Variants in MAP3K20 observed in about 807,000 individuals in gnomAD.
MAP3K20 encodes the protein HCCS-4.
A neutral mutation model predicts 85.7 loss-of-function variants in MAP3K20; 40 were observed. The observed-to-expected ratio is 0.47, with a 90% CI of 0.36 to 0.61. MAP3K20 has a LOEUF of 0.61. Ranked by LOEUF, MAP3K20 falls within the 20% of genes least tolerant of loss-of-function variation. MAP3K20 has a pLI of 0.00. For missense variants in MAP3K20, 817 were observed against 961.7 expected (o/e 0.85, Z 1.99); for synonymous variants, 325 against 327.7 (o/e 0.99, Z 0.09).
upstream of MAP3K20, chr2:173,075,710 G>A (rs1235947642): frequency 3.4e-5 from 6 of 174,856 alleles, no homozygotes; most frequent in Non-Finnish European, 4.5e-5. Context: ...GGCGCGGGGC[G>A]GATGGTGCCC....
chr2:173,105,575 C>A (rs1574017119), intron 2 of MAP3K20, among the ~76,000 whole-genome samples: 1 of 152,246 alleles, frequency 6.6e-6, no homozygotes, highest in South Asian at 2.1e-4. Flanking sequence ...TATTATTCAA[C>A]CTTAAGAAGG....
intron 7 of MAP3K20, among the ~76,000 whole-genome samples, chr2:173,197,464 A>G (rs1690886199): frequency 6.6e-6 from 1 of 152,338 alleles, no homozygotes; most frequent in South Asian, 2.1e-4. Flanking sequence ...AGACCGACTC[A>G]TTTTGCGGGA....
Position 173,190,936 on chromosome 2 carries a change from C to A in MAP3K20, c.444+13C>A, listed in dbSNP as rs1690629945. ...TGGAGTATTGAAGGTAGGACTATTT[C>A]TTTTACTTAAAAAAATTGTTAATTT... On this transcript the variant is annotated intron_variant, in intron 6 of 19. Transcript: ENST00000375213. 2 of 1,604,218 alleles carry A rather than the reference C, an allele frequency of 1.2e-6. No homozygotes were observed. The highest frequency in any genetic ancestry group is 1.7e-6 in the Non-Finnish European group (2 of 1,174,840).
At chr2:173,212,271 T>TGA (rs1683925730) in intron 10 of MAP3K20, 3 of 151,350 alleles carry the variant, frequency 2.0e-5, no homozygotes, top group African/African-American at 7.3e-5. Context: ...CCAGGGCATG[T>TGA]GGAGCTCTCC....
chr2:173,208,319 G>A (rs1269156114), intron 9 of MAP3K20, among the ~76,000 whole-genome samples: 1 of 151,460 alleles, frequency 6.6e-6, no homozygotes, highest in Non-Finnish European at 1.5e-5. Context: ...AAATTGGTGA[G>A]CCCAGGTGGT....
chr2:173,223,188 G>C, intron 11 of MAP3K20: 7 of 985,428 alleles, frequency 7.1e-6, no homozygotes, highest in Non-Finnish European at 7.2e-6. Context: ...AGAAAGTTCT[G>C]GGTGTGAGGT....
chr2:173,093,763 G>A (rs890952400), intron 2 of MAP3K20, among the ~76,000 whole-genome samples: 1 of 151,956 alleles, frequency 6.6e-6, no homozygotes, highest in African/African-American at 2.4e-5. Context: ...ATGATAGACT[G>A]GATTAAGAAA....
intron 2 of MAP3K20, among the ~76,000 whole-genome samples, chr2:173,104,957 A>G (rs987519807): frequency 6.6e-6 from 1 of 152,146 alleles, no homozygotes. Context: ...CAAGGGGGCC[A>G]TCGTAGCTGG....
rs1241258732 is a variant in MAP3K20 at position 173,094,040 on chromosome 2, G to C, written c.159+2850G>C. On this transcript the variant is annotated intron_variant, in intron 2 of 19. Transcript: ENST00000375213. ...GCACTGGGAGATATACCTAATGCTA[G>C]ATGACGAGTTAGTGGGTGCAGCACA... 8.6e-5 allele frequency among the ~76,000 whole-genome samples: 13 copies of C among 151,682 alleles called. No homozygotes were observed. In the East Asian group the frequency reaches 2.5e-3, roughly 30 times the overall value.
chr2:173,093,286 A>G (rs1436922432), intron 2 of MAP3K20, among the ~76,000 whole-genome samples: 1 of 152,222 alleles, frequency 6.6e-6, no homozygotes, highest in Non-Finnish European at 1.5e-5. Flanking sequence ...ATCCAGTTCC[A>G]TGTCACTTGG....
intron 2 of MAP3K20, among the ~76,000 whole-genome samples, chr2:173,153,610 T>G (rs1689370087): frequency 6.6e-6 from 1 of 152,226 alleles, no homozygotes; most frequent in East Asian, 1.9e-4. Context: ...AAGTAGTGAT[T>G]CTTTTACCTC....
intron 2 of MAP3K20, among the ~76,000 whole-genome samples, chr2:173,096,344 C>CTT (rs11389136): frequency 0.028 from 4,110 of 144,566 alleles, 82 homozygotes; most frequent in South Asian, 0.048. Context: ...TTCTTTTTTC[C>CTT]TTTTTTTTTT....
At chr2:173,251,604 C>G (rs1685043927) in intron 16 of MAP3K20, among the ~76,000 whole-genome samples, 1 of 152,182 alleles carries the variant, frequency 6.6e-6, no homozygotes, top group Admixed American at 6.5e-5. Context: ...CAAATTTCAT[C>G]TATGGTGATA....
intron 1 of MAP3K20, among the ~76,000 whole-genome samples, chr2:173,083,744 CA>C (rs1268749300): frequency 6.6e-6 from 1 of 152,100 alleles, no homozygotes; most frequent in Non-Finnish European, 1.5e-5. Flanking sequence ...TTAATTTATT[CA>C]CTGATCTATG....
intron 14 of MAP3K20, among the ~76,000 whole-genome samples, 155 bp downstream of exon 14, chr2:173,232,614 C>T (rs1684548849): frequency 6.6e-6 from 1 of 152,224 alleles, no homozygotes; most frequent in African/African-American, 2.4e-5. Context: ...AGTGATTCTC[C>T]TGCCTCAGCC....
At chr2:173,243,652 C>G (rs1387442093) in intron 16 of MAP3K20, among the ~76,000 whole-genome samples, 1 of 152,194 alleles carries the variant, frequency 6.6e-6, no homozygotes, top group Admixed American at 6.5e-5. Flanking sequence ...GAATCTCGCT[C>G]TTTCGCCCAG....
chr2:173,113,223 G>A (rs1688022866), intron 2 of MAP3K20, among the ~76,000 whole-genome samples: 1 of 152,112 alleles, frequency 6.6e-6, no homozygotes, highest in South Asian at 2.1e-4. Flanking sequence ...GTATTTAAAT[G>A]ATGTCAGTTG....
intron 2 of MAP3K20, among the ~76,000 whole-genome samples, chr2:173,110,401 A>G (rs960600404): frequency 3.3e-5 from 5 of 150,326 alleles, no homozygotes; most frequent in Admixed American, 2.0e-4. Context: ...CTATAGGCAC[A>G]TGCCACCATG....
intron 16 of MAP3K20, among the ~76,000 whole-genome samples, chr2:173,256,007 C>A (rs1481162942): frequency 6.6e-6 from 1 of 152,220 alleles, no homozygotes; most frequent in Non-Finnish European, 1.5e-5. Context: ...CTTATGTTAG[C>A]CAAGAACCAG....
Sources: allele counts gnomAD v4.1 joint callset (sites outside exome capture counted in the v4.1 genomes callset), GRCh38; gene constraint gnomAD v4.1.1; transcripts MANE v1.5; gene names NCBI Gene and HGNC (gene_info 2026-07-23, HGNC 2026-07-21).